CNOT10: variants seen among roughly 807,000 people sequenced by gnomAD.
CNOT10 encodes the protein CCR4-NOT transcription complex, subunit 10.
Under a neutral mutation model 94.6 loss-of-function variants are expected in CNOT10, and 30 were observed. The ratio of observed to expected loss-of-function variants is 0.32; its 90% CI spans 0.24 to 0.43. The LOEUF is 0.43. Among genes scored for constraint, CNOT10 ranks in the 20% least tolerant of loss-of-function variants. CNOT10 has a pLI of 1.00. For missense variants in CNOT10, 759 were observed against 877.2 expected (o/e 0.87, Z 1.70); for synonymous variants, 289 against 301.6 (o/e 0.96, Z 0.43).
At chr3:32,733,842 T>C (rs893930699) in intron 11 of CNOT10, among the ~76,000 whole-genome samples, 3 of 152,200 alleles carry the variant, frequency 2.0e-5, no homozygotes, top group Admixed American at 2.0e-4. Flanking sequence ...TATTTCCTTT[T>C]TATGTACTTT....
At chr3:32,712,177 T>C (rs1239623059) in intron 4 of CNOT10, among the ~76,000 whole-genome samples, 4 of 151,236 alleles carry the variant, frequency 2.6e-5, no homozygotes, top group South Asian at 4.2e-4. Flanking sequence ...TTTTTTTTTT[T>C]CCATCTCCAT....
chr3:32,762,185 T>G (rs1307050679), intron 14 of CNOT10, among the ~76,000 whole-genome samples: 2 of 146,442 alleles, frequency 1.4e-5, no homozygotes, highest in Middle Eastern at 3.7e-3. Flanking sequence ...AAAAAAAAGC[T>G]GGGCATGGTG....
chr3:32,719,009 G>A (rs993475652), intron 7 of CNOT10, among the ~76,000 whole-genome samples: 2 of 152,148 alleles, frequency 1.3e-5, no homozygotes, highest in African/African-American at 4.8e-5. Flanking sequence ...CCCACACTTT[G>A]GGAGGCTGAG....
chr3:32,744,661 C>T (rs1699616632), intron 13 of CNOT10, among the ~76,000 whole-genome samples: 1 of 152,110 alleles, frequency 6.6e-6, no homozygotes, highest in Non-Finnish European at 1.5e-5. Flanking sequence ...CAGAAATCAA[C>T]TAACTAGTTT....
At chr3:32,717,775 A>C (rs1429957153) in intron 7 of CNOT10, among the ~76,000 whole-genome samples, 2 of 152,146 alleles carry the variant, frequency 1.3e-5, no homozygotes, top group Non-Finnish European at 2.9e-5. Context: ...CTAAAGTGGG[A>C]GGATCACTTG....
At chr3:32,704,022 T>C in intron 2 of CNOT10, 60 bp downstream of exon 2, 1 of 1,017,618 alleles carries the variant, frequency 9.8e-7, no homozygotes, top group Non-Finnish European at 1.5e-6. Flanking sequence ...TATGAATCTT[T>C]TCATAGTGAA....
intron 13 of CNOT10, chr3:32,753,899 T>C: frequency 7.7e-7 from 1 of 1,294,502 alleles, no homozygotes; most frequent in Non-Finnish European, 1.1e-6. Context: ...GAAAAAGTAC[T>C]AAATAAATTA....
chr3:32,771,409 T>C (rs1265067512), intron 18 of CNOT10, among the ~76,000 whole-genome samples: 1 of 152,132 alleles, frequency 6.6e-6, no homozygotes, highest in Non-Finnish European at 1.5e-5. Flanking sequence ...GAAACCAGCC[T>C]AGCCAACATG....
At chr3:32,705,980 T>C (rs768497313) in intron 3 of CNOT10, among the ~76,000 whole-genome samples, 2 of 152,246 alleles carry the variant, frequency 1.3e-5, no homozygotes, top group Non-Finnish European at 2.9e-5. Flanking sequence ...TTATCTCATA[T>C]AATCCTCACA....
chr3:32,721,085 A>T, intron 8 of CNOT10, among the ~76,000 whole-genome samples: 1 of 104,800 alleles, frequency 9.5e-6, no homozygotes. Context: ...TTTTTGACAG[A>T]GTCTTGCTCT....
intron 13 of CNOT10, among the ~76,000 whole-genome samples, chr3:32,754,167 TA>T (rs889551427): frequency 9.9e-5 from 15 of 152,170 alleles, no homozygotes; most frequent in African/African-American, 3.1e-4. Context: ...TTGGCATTAA[TA>T]TTTTTTTCTT....
chr3:32,727,979 T>TTTTATTTATTTA lies in CNOT10; in HGVS notation c.1215+129_1215+140dup, dbSNP rs150924656. On this transcript the variant is annotated intron_variant, in intron 10 of 18. Coordinates refer to ENST00000328834, the MANE Select transcript of CNOT10 (RefSeq NM_015442.3). ...GGAAACATACATAAGACATTTCTCT[T>TTTTATTTATTTA]TTTATTTATTTATTTATTTATTTAT... The TTTTATTTATTTA allele has an allele frequency of 8.3e-4, 475 of 570,368 alleles. 2 individuals carry two copies. The highest frequency in any genetic ancestry group is 7.5e-3 in the African/African-American group (366 of 48,670). The allele number at this position is 570,368 out of a possible 1,614,324, so 35.3% of individuals were successfully genotyped here.
At chr3:32,741,429 C>T (rs1699455312) in intron 13 of CNOT10, among the ~76,000 whole-genome samples, 2 of 152,004 alleles carry the variant, frequency 1.3e-5, no homozygotes, top group African/African-American at 2.4e-5. Flanking sequence ...TCAGGATGAA[C>T]GTCCAACAGT....
Position 32,748,232 on chromosome 3 carries a change from C to T in CNOT10, c.1595+10742C>T, listed in dbSNP as rs931830371. ...ACAAGTGTGTTCGAATGTTTGTATG[C>T]TATAACATGATTTTTACGTGTGTGA... On this transcript the variant is annotated intron_variant, in intron 13 of 18. Coordinates refer to ENST00000328834, the MANE Select transcript of CNOT10 (RefSeq NM_015442.3). 2.0e-5 allele frequency among the ~76,000 whole-genome samples: 3 copies of T among 152,166 alleles called. 1 individual carries two copies.
chr3:32,747,784 C>T (rs1699765496), intron 13 of CNOT10, among the ~76,000 whole-genome samples: 2 of 152,118 alleles, frequency 1.3e-5, no homozygotes, highest in African/African-American at 2.4e-5. Context: ...CCCGTCTCTA[C>T]TAAAAATACA....
rs1699107420 is a variant in CNOT10, at chr3:32,734,828, G to A, written c.1366G>A (p.Ala456Thr). The A allele has an allele frequency of 6.2e-7, 1 of 1,613,248 alleles. No individual in the cohort carries two copies. Among genetic ancestry groups the A allele is most frequent in the Non-Finnish European group, 8.5e-7 (1 of 1,179,484 alleles). Reference sequence around the variant, plus strand: ...TGGGCAGTCTTCGGCCATTCCTGTAGCCAGTATGGAGTTTGCAGCCATATG... The same window carrying A: ...TGGGCAGTCTTCGGCCATTCCTGTAACCAGTATGGAGTTTGCAGCCATATG... ...NDGQSSAIPV[A>T]SMEFAAICLR... The change falls in exon 12 of 19, where the codon GCC becomes ACC. Residue 456 changes from alanine to threonine, a missense_variant. By Grantham distance (58) the Ala-to-Thr change is moderately conservative. Coordinates refer to ENST00000328834, the MANE Select transcript of CNOT10 (RefSeq NM_015442.3).
intron 1 of CNOT10, among the ~76,000 whole-genome samples, chr3:32,686,155 A>G (rs569362392): frequency 3.9e-5 from 6 of 152,242 alleles, no homozygotes; most frequent in South Asian, 2.1e-4. Context: ...CTTAATCTCA[A>G]TGGTTTTCTT....
chr3:32,772,541 T>C (rs1407304010), intron 18 of CNOT10, among the ~76,000 whole-genome samples: 2 of 150,438 alleles, frequency 1.3e-5, no homozygotes, highest in African/African-American at 4.9e-5. Flanking sequence ...AAATAAAAAA[T>C]TTTAAAAAGG....
intron 5 of CNOT10, 128 bp from the exon 6 acceptor site, chr3:32,716,097 A>G (rs944825618): frequency 5.9e-6 from 3 of 511,292 alleles, no homozygotes; most frequent in Non-Finnish European, 1.0e-5. Context: ...ATGAACCACC[A>G]TTTCCCACAA....
Sources: allele counts gnomAD v4.1 joint callset (sites outside exome capture counted in the v4.1 genomes callset), GRCh38; gene constraint gnomAD v4.1.1; transcripts MANE v1.5; gene names NCBI Gene and HGNC (gene_info 2026-07-23, HGNC 2026-07-21).